COPG2: variants seen among roughly 807,000 people sequenced by gnomAD.
COPG2 encodes the protein coat protein complex I subunit gamma 2.
In COPG2, 37 loss-of-function variants were observed where a neutral mutation model predicts 46.3. The ratio of observed to expected loss-of-function variants is 0.80; its 90% CI spans 0.61 to 1.05. The LOEUF (loss-of-function observed/expected upper bound fraction) is 1.05. Among genes scored for constraint, COPG2 ranks in the 50% least tolerant of loss-of-function variants. COPG2 has a pLI of 0.00. For missense variants in COPG2, 427 were observed against 387.8 expected (o/e 1.10, Z -0.85); for synonymous variants, 159 against 129.7 (o/e 1.23, Z -1.53).
intron 9 of COPG2, among the ~76,000 whole-genome samples, chr7:130,604,987 T>C (rs1223420382): frequency 6.6e-6 from 1 of 152,258 alleles, no homozygotes; most frequent in Non-Finnish European, 1.5e-5. Context: ...ATCAACCTTA[T>C]ACTACTAGAA....
chr7:130,636,538 G>GTTT (rs59688621), intron 5 of COPG2, among the ~76,000 whole-genome samples: 9 of 94,108 alleles, frequency 9.6e-5, no homozygotes, highest in African/African-American at 3.4e-4. Flanking sequence ...ATTGCAACCG[G>GTTT]TTTTTTTTTT....
chr7:130,664,463 C>T (rs1291881837), intron 3 of COPG2, among the ~76,000 whole-genome samples: 1 of 152,174 alleles, frequency 6.6e-6, no homozygotes, highest in African/African-American at 2.4e-5. Flanking sequence ...TACAGGAAAA[C>T]CTTACATCCT....
chr7:130,571,867 ACG>A (rs1312197461), intron 9 of COPG2, among the ~76,000 whole-genome samples: 1 of 151,938 alleles, frequency 6.6e-6, no homozygotes, highest in Non-Finnish European at 1.5e-5. Context: ...ATATACACAA[ACG>A]CGCGCACACA....
chr7:130,595,121 A>C (rs1390902904), intron 9 of COPG2, among the ~76,000 whole-genome samples: 1 of 152,250 alleles, frequency 6.6e-6, no homozygotes, highest in Non-Finnish European at 1.5e-5. Flanking sequence ...CCAAATGTCC[A>C]TCAACAGATG....
In COPG2 at chr7:130,645,129, AAGC is replaced by A. The variant is rs1795570098; in HGVS notation, c.323+7737_323+7739del. 4 of 460,684 alleles carry A rather than the reference AAGC, an allele frequency of 8.7e-6. No homozygotes were observed. In the Admixed American group the frequency reaches 1.2e-4, roughly 14 times the overall value. 28.5% of individuals were successfully genotyped at this position (460,684 alleles called of 1,614,324 possible). ...ATCCATTTTTTCAGGTGACTGGAAA[AAGC>A]AGGAAAATTAGTGTTCACAGTAAGA... On this transcript the variant is annotated intron_variant, in intron 5 of 23. Transcript: ENST00000425248.
chr7:130,622,671 A>G (rs1473552134), intron 5 of COPG2, among the ~76,000 whole-genome samples: 2 of 152,156 alleles, frequency 1.3e-5, no homozygotes, highest in African/African-American at 4.8e-5. Context: ...GATATTCATC[A>G]TCTCCTTCCT....
chr7:130,614,479 G>A (rs1423600186), intron 6 of COPG2, among the ~76,000 whole-genome samples: 13 of 152,124 alleles, frequency 8.5e-5, no homozygotes, highest in Admixed American at 8.5e-4. Context: ...TGGGTATATA[G>A]CTATTATTCA....
intron 3 of COPG2, among the ~76,000 whole-genome samples, chr7:130,663,648 A>T (rs1451417018): frequency 6.6e-6 from 1 of 151,878 alleles, no homozygotes; most frequent in African/African-American, 2.4e-5. Context: ...AATGAGCATG[A>T]CAATTCATCC....
chr7:130,513,210 C>T (rs149722945), intron 20 of COPG2, among the ~76,000 whole-genome samples: 138 of 145,634 alleles, frequency 9.5e-4, no homozygotes, highest in African/African-American at 3.1e-3. Context: ...CACTTGAGCC[C>T]GGGAGGTGGA....
At chr7:130,556,936 T>TAA (rs1350990557) in intron 12 of COPG2, among the ~76,000 whole-genome samples, 1 of 152,184 alleles carries the variant, frequency 6.6e-6, no homozygotes, top group Admixed American at 6.5e-5. Flanking sequence ...CTGAAAGGCA[T>TAA]TCCCATTGAG....
intron 5 of COPG2, among the ~76,000 whole-genome samples, chr7:130,631,005 C>T (rs1202105259): frequency 6.6e-6 from 1 of 151,704 alleles, no homozygotes; most frequent in Non-Finnish European, 1.5e-5. Flanking sequence ...ACTGAGTGAC[C>T]CCATCTCTTA....
intron 9 of COPG2, among the ~76,000 whole-genome samples, chr7:130,588,409 A>C (rs1335600649): frequency 3.3e-5 from 5 of 151,952 alleles, no homozygotes; most frequent in African/African-American, 4.8e-5. Flanking sequence ...ATGTCCAACA[A>C]TGATAGACCG....
intron 20 of COPG2, among the ~76,000 whole-genome samples, chr7:130,513,341 A>ATGTGTGTG (rs1210290028): frequency 1.9e-4 from 10 of 51,554 alleles, no homozygotes; most frequent in African/African-American, 5.6e-4. Context: ...ATATATATAT[A>ATGTGTGTG]TGTGTGTGTG....
chr7:130,524,386 T>C (rs1242148879), intron 20 of COPG2, among the ~76,000 whole-genome samples: 2 of 151,666 alleles, frequency 1.3e-5, no homozygotes, highest in Admixed American at 1.3e-4. Flanking sequence ...TGCTATGCAG[T>C]AGAGGAGGAA....
chr7:130,663,273 T>G (rs1796012999), intron 3 of COPG2, among the ~76,000 whole-genome samples: 1 of 152,214 alleles, frequency 6.6e-6, no homozygotes, highest in African/African-American at 2.4e-5. Context: ...TGCTTAAAAG[T>G]TCTGGCATAG....
intron 5 of COPG2, among the ~76,000 whole-genome samples, chr7:130,631,781 G>A (rs1015677911): frequency 2.0e-5 from 3 of 151,856 alleles, no homozygotes; most frequent in African/African-American, 7.3e-5. Context: ...TTAAAATTAC[G>A]TAAACAAGGA....
rs782265904 is a variant in COPG2 at position 130,668,639 on chromosome 7, C to T, written c.30G>A (p.Glu10=). 155 of 1,541,578 alleles carry T rather than the reference C, an allele frequency of 1.0e-4. No individual in the cohort carries two copies. The Middle Eastern group carries it at 1.2e-3, about 12-fold the overall frequency. ...CGGAAGCCCCGCGCGTACCAGACTC[C>T]TCGTCCTTCTTGTCGAATTTTTTAA... is the stretch of plus-strand genomic sequence containing the variant. MIKKFDKKD[E]ESGSGSNPFQ... The change falls in exon 1 of 24, where the codon GAG becomes GAA. Residue 10 remains glutamate (E), a synonymous_variant. Transcript: ENST00000425248.
intron 3 of COPG2, 125 bp from the exon 4 acceptor site, chr7:130,663,163 T>C (rs1796011428): frequency 1.8e-6 from 1 of 570,998 alleles, no homozygotes; most frequent in Non-Finnish European, 3.0e-6. Flanking sequence ...AAGAATCTCT[T>C]TGTAAACATT....
Position 130,585,392 on chromosome 7 carries a change from T to C in COPG2, c.738-20999A>G, listed in dbSNP as rs138947930. ...GAAGATAACATTGGAAAAACCCTTCTACACATTGGCTTAGGCAAGCATTTA... is the reference window on the plus strand; with the variant it reads ...GAAGATAACATTGGAAAAACCCTTCCACACATTGGCTTAGGCAAGCATTTA... On this transcript the variant is annotated intron_variant, in intron 9 of 23. Transcript: ENST00000425248. Among the ~76,000 whole-genome samples, 5 of 152,166 alleles carry C rather than the reference T, an allele frequency of 3.3e-5. No individual in the cohort carries two copies. The East Asian group carries it at 9.6e-4, about 29-fold the overall frequency.
Sources: allele counts gnomAD v4.1 joint callset (sites outside exome capture counted in the v4.1 genomes callset), GRCh38; gene constraint gnomAD v4.1.1; transcripts MANE v1.5; gene names NCBI Gene and HGNC (gene_info 2026-07-23, HGNC 2026-07-21).